Variants in TAS2R1 observed in about 807,000 individuals in gnomAD.
TAS2R1 encodes the protein taste receptor type 2 member 1.
For missense variants in TAS2R1, 370 were observed against 353.4 expected (o/e 1.05, Z -0.38); for synonymous variants, 141 against 134.2 (o/e 1.05, Z -0.35).
the TAS2R1 span, among the ~76,000 whole-genome samples, chr5:9,764,988 AT>A: frequency 6.6e-6 from 1 of 152,212 alleles, no homozygotes; most frequent in African/African-American, 2.4e-5. Flanking sequence ...ACATCAAGTG[AT>A]AAAAAGTAGA....
chr5:9,812,434 A>C, the TAS2R1 span, among the ~76,000 whole-genome samples: 4 of 152,232 alleles, frequency 2.6e-5, no homozygotes, highest in East Asian at 7.7e-4. Context: ...GGATCAATCC[A>C]GCAGATGATT....
the TAS2R1 span, among the ~76,000 whole-genome samples, chr5:9,797,281 C>T: frequency 6.6e-6 from 1 of 152,158 alleles, no homozygotes; most frequent in African/African-American, 2.4e-5. Context: ...AGGGGTACTG[C>T]TGACGTACCC....
the TAS2R1 span, among the ~76,000 whole-genome samples, chr5:9,840,853 ATTTATTTTTTTTTTTTTTTTTTTTTTTTT>A: frequency 5.1e-5 from 1 of 19,600 alleles, no homozygotes; most frequent in Non-Finnish European, 1.4e-4. Context: ...TTATTTATTT[ATTTATTTTTTTTTTTTTTTTTTTTTTTTT>A]TTTTTTTTTT....
the TAS2R1 span, among the ~76,000 whole-genome samples, chr5:9,880,457 GAACC>G: frequency 6.6e-6 from 1 of 152,168 alleles, no homozygotes; most frequent in Non-Finnish European, 1.5e-5. Flanking sequence ...ACTGTTCAAG[GAACC>G]ATTCTCTGTC....
chr5:9,803,469 A>G, the TAS2R1 span, among the ~76,000 whole-genome samples: 2 of 152,228 alleles, frequency 1.3e-5, no homozygotes, highest in South Asian at 4.1e-4. Flanking sequence ...GTCAAAGAAA[A>G]GAATTTTAAG....
chr5:9,638,769 C>T (rs932228538), intron 2 of TAS2R1, among the ~76,000 whole-genome samples: 11 of 152,142 alleles, frequency 7.2e-5, no homozygotes, highest in African/African-American at 2.7e-4. Context: ...GGTGTGGGCT[C>T]AGACTCTCCT....
intron 2 of TAS2R1, among the ~76,000 whole-genome samples, chr5:9,649,844 GA>G (rs1236707678): frequency 6.6e-6 from 1 of 152,142 alleles, no homozygotes; most frequent in African/African-American, 2.4e-5. Flanking sequence ...TCATTTGGGG[GA>G]AAAGGTTTTG....
upstream of TAS2R1, chr5:9,713,999 C>A (rs1734756878): frequency 6.6e-6 from 1 of 152,110 alleles, no homozygotes; most frequent in South Asian, 2.1e-4. Flanking sequence ...ATGGCAGTGG[C>A]TAGTTTTGCC....
At chr5:9,794,921 T>C in the TAS2R1 span, among the ~76,000 whole-genome samples, 1 of 152,172 alleles carries the variant, frequency 6.6e-6, no homozygotes, top group Non-Finnish European at 1.5e-5. Context: ...ATAATTTCAG[T>C]ATTTGGGTTT....
At chr5:9,790,671 C>A in the TAS2R1 span, among the ~76,000 whole-genome samples, 1 of 152,140 alleles carries the variant, frequency 6.6e-6, no homozygotes, top group Admixed American at 6.5e-5. Context: ...CCCTGTCGCC[C>A]AGGCTGCAGT....
the TAS2R1 span, among the ~76,000 whole-genome samples, chr5:9,885,011 C>T: frequency 6.6e-6 from 1 of 152,184 alleles, no homozygotes. Context: ...CTACTATGTA[C>T]CAGGCACTGT....
the TAS2R1 span, among the ~76,000 whole-genome samples, chr5:9,860,313 C>T: frequency 6.6e-6 from 1 of 152,184 alleles, no homozygotes; most frequent in South Asian, 2.1e-4. Flanking sequence ...CCCTCCTAGC[C>T]TCTCAGCCTG....
the TAS2R1 span, among the ~76,000 whole-genome samples, chr5:9,734,506 G>GT: frequency 0.015 from 2,271 of 151,942 alleles, 50 homozygotes; most frequent in East Asian, 0.089. Flanking sequence ...CTGTACAAGA[G>GT]GTTTTTTTGC....
At chr5:9,835,220 T>C in the TAS2R1 span, among the ~76,000 whole-genome samples, 2 of 152,150 alleles carry the variant, frequency 1.3e-5, no homozygotes, top group East Asian at 3.9e-4. Flanking sequence ...TGAAAATGGG[T>C]GATGTTCTGG....
At chr5:9,695,462 G>A (rs1355908343) in intron 1 of TAS2R1, among the ~76,000 whole-genome samples, 6 of 152,110 alleles carry the variant, frequency 3.9e-5, no homozygotes, top group Non-Finnish European at 7.3e-5. Flanking sequence ...AAGGTTGGAC[G>A]ACCTTTGATG....
the TAS2R1 span, among the ~76,000 whole-genome samples, chr5:9,755,706 G>T: frequency 6.6e-6 from 1 of 152,086 alleles, no homozygotes; most frequent in African/African-American, 2.4e-5. Flanking sequence ...TTGATTACAT[G>T]CTAAACAAGG....
At chr5:9,709,653 C>T (rs1464459411) in intron 1 of TAS2R1, among the ~76,000 whole-genome samples, 1 of 152,180 alleles carries the variant, frequency 6.6e-6, no homozygotes, top group Non-Finnish European at 1.5e-5. Flanking sequence ...TGAGGATACT[C>T]AGCCACTCTC....
chr5:9,862,167 A>C, the TAS2R1 span, among the ~76,000 whole-genome samples: 1 of 150,952 alleles, frequency 6.6e-6, no homozygotes, highest in East Asian at 2.0e-4. Flanking sequence ...CTTCAAGTCC[A>C]TTTTACTTGC....
At chr5:9,869,237 C>T in the TAS2R1 span, among the ~76,000 whole-genome samples, 1 of 152,140 alleles carries the variant, frequency 6.6e-6, no homozygotes, top group African/African-American at 2.4e-5. Context: ...TCTCATGCTG[C>T]TAATAAAGAC....
Sources: allele counts gnomAD v4.1 joint callset (sites outside exome capture counted in the v4.1 genomes callset), GRCh38; gene constraint gnomAD v4.1.1; transcripts MANE v1.5; gene names NCBI Gene and HGNC (gene_info 2026-07-23, HGNC 2026-07-21).